GLIPR1L1: variants seen among roughly 807,000 people sequenced by gnomAD.
GLIPR1L1 encodes the protein GLIPR1-like protein 1.
GLIPR1L1 carries 26 observed loss-of-function variants against 29.9 expected under a neutral mutation model. The observed-to-expected ratio is 0.87, with a 90% CI of 0.64 to 1.21. GLIPR1L1 has a LOEUF of 1.21. Ranked by LOEUF, GLIPR1L1 falls within the 50% of genes most tolerant of loss-of-function variation. The pLI is 0.00. For missense variants in GLIPR1L1, 305 were observed against 290.3 expected (o/e 1.05, Z -0.37); for synonymous variants, 77 against 97.5 (o/e 0.79, Z 1.24).
chr12:75,352,165 G>A (rs997783065), intron 3 of GLIPR1L1, among the ~76,000 whole-genome samples: 2 of 152,154 alleles, frequency 1.3e-5, no homozygotes, highest in East Asian at 1.9e-4. Flanking sequence ...CTATACTAAC[G>A]TTAAATGTAA....
At chr12:75,350,114 T>G (rs904599534) in intron 3 of GLIPR1L1, among the ~76,000 whole-genome samples, 10 of 152,324 alleles carry the variant, frequency 6.6e-5, no homozygotes, top group Non-Finnish European at 1.3e-4. Flanking sequence ...GCACAGCCAC[T>G]GTGACAGTTT....
intron 1 of GLIPR1L1, among the ~76,000 whole-genome samples, chr12:75,336,798 T>C (rs2041765432): frequency 6.6e-6 from 1 of 151,812 alleles, no homozygotes; most frequent in South Asian, 2.1e-4. Context: ...CATTAAACAA[T>C]TTATACCACA....
At chr12:75,359,357 CTTTTT>C (rs61616225) in intron 3 of GLIPR1L1, among the ~76,000 whole-genome samples, 1 of 28,600 alleles carries the variant, frequency 3.5e-5, no homozygotes, top group East Asian at 8.3e-4. Flanking sequence ...GCATTGTTGT[CTTTTT>C]TTTTTTTTTT....
intron 3 of GLIPR1L1, chr12:75,361,096 G>A (rs1237931125): frequency 6.6e-6 from 1 of 152,154 alleles, no homozygotes; most frequent in African/African-American, 2.4e-5. Flanking sequence ...GGAAGGGGAT[G>A]GTTCCCCTAC....
At chr12:75,346,205 A>G (rs74108720) in intron 2 of GLIPR1L1, among the ~76,000 whole-genome samples, 10,084 of 152,232 alleles carry the variant, frequency 0.066, 464 homozygotes, top group African/African-American at 0.13. Flanking sequence ...TCATAAGCCA[A>G]ATTGTTAAAC....
At chr12:75,336,430 GA>G (rs1235806787) in intron 1 of GLIPR1L1, among the ~76,000 whole-genome samples, 1 of 151,582 alleles carries the variant, frequency 6.6e-6, no homozygotes, top group East Asian at 1.9e-4. Context: ...TTTTGTAACA[GA>G]AACATATCAC....
intron 4 of GLIPR1L1, among the ~76,000 whole-genome samples, chr12:75,368,019 T>A (rs2044104077): frequency 6.6e-6 from 1 of 152,134 alleles, no homozygotes; most frequent in Admixed American, 6.6e-5. Flanking sequence ...CTTTAACAAT[T>A]TTTTCCTGCA....
intron 1 of GLIPR1L1, among the ~76,000 whole-genome samples, chr12:75,338,814 A>G (rs1326652118): frequency 7.0e-6 from 1 of 143,860 alleles, no homozygotes; most frequent in Non-Finnish European, 1.6e-5. Flanking sequence ...ATGTGTTCTC[A>G]TTGTTCAGCT....
intron 4 of GLIPR1L1, among the ~76,000 whole-genome samples, chr12:75,366,333 T>A (rs2043960072): frequency 6.6e-6 from 1 of 152,078 alleles, no homozygotes; most frequent in Admixed American, 6.6e-5. Context: ...AACAGTGGGT[T>A]TTGTCTCAGT....
intron 3 of GLIPR1L1, among the ~76,000 whole-genome samples, chr12:75,348,461 A>G (rs1311437829): frequency 3.3e-5 from 5 of 152,242 alleles, no homozygotes; most frequent in African/African-American, 1.2e-4. Flanking sequence ...AATGAAAAAT[A>G]CAAATTTTTA....
chr12:75,337,477 A>C (rs2041816511), intron 1 of GLIPR1L1, among the ~76,000 whole-genome samples: 1 of 151,966 alleles, frequency 6.6e-6, no homozygotes, highest in African/African-American at 2.4e-5. Context: ...TATACTAATA[A>C]ATTTTACAAC....
chr12:75,344,011 A>G (rs2042290000), intron 2 of GLIPR1L1, 73 bp downstream of exon 2: 2 of 1,265,326 alleles, frequency 1.6e-6, no homozygotes, highest in East Asian at 2.4e-5. Context: ...ATTTCTCTGT[A>G]TGTAAAGTGC....
In GLIPR1L1 at chr12:75,343,722, T is replaced by C; in HGVS notation, c.204T>C (p.Ala68=). 2 of 1,611,874 alleles carry C rather than the reference T, an allele frequency of 1.2e-6. No homozygotes were observed. Among genetic ancestry groups the C allele is most frequent in the Non-Finnish European group, 1.7e-6 (2 of 1,178,550 alleles). The change falls in exon 2 of 6, where the codon GCT becomes GCC. Residue 68 remains alanine, a synonymous_variant. Transcript: ENST00000378695. ...MIWDKGLAKM[A]KAWANQCKFE... ...GGGATAAAGGTTTAGCAAAGATGGC[T>C]AAAGCATGGGCAAACCAGTGCAAAT...
chr12:75,347,497 G>A, intron 2 of GLIPR1L1, 125 bp from the exon 3 acceptor site: 3 of 440,586 alleles, frequency 6.8e-6, no homozygotes, highest in Non-Finnish European at 1.2e-5. Context: ...GAAAAAATAT[G>A]TAACTAATAA....
Position 75,370,092 on chromosome 12 carries a change from A to G in GLIPR1L1, c.645A>G (p.Pro215=). The change falls in exon 6 of 6, where the codon CCA becomes CCG. Residue 215 remains proline (P), a synonymous_variant. Coordinates refer to ENST00000378695, the MANE Select transcript of GLIPR1L1 (RefSeq NM_001304964.2). ...TGTTTTTGTTTTTGACAGAAAATCC[A>G]TTTCTGAAGCCAACGGGGAGAGCAC... ...TPQLIIPNQN[P]FLKPTGRAPQ... is the part of the protein sequence containing the mutation. 6.2e-7 allele frequency: 1 copy of G among 1,600,122 alleles called. No individual in the cohort carries two copies. Among genetic ancestry groups the G allele is most frequent in the Non-Finnish European group, 8.5e-7 (1 of 1,170,452 alleles).
At chr12:75,346,273 T>G (rs148900597) in intron 2 of GLIPR1L1, among the ~76,000 whole-genome samples, 308 of 152,328 alleles carry the variant, frequency 2.0e-3, no homozygotes, top group East Asian at 5.0e-3. Context: ...GTTTAAAACA[T>G]TCAAAAGGAA....
chr12:75,351,635 C>T (rs1314099193), intron 3 of GLIPR1L1, among the ~76,000 whole-genome samples: 1 of 151,954 alleles, frequency 6.6e-6, no homozygotes, highest in Non-Finnish European at 1.5e-5. Context: ...CCACCTCCAC[C>T]TCCCAGGTTC....
chr12:75,341,844 G>A (rs1322018900), intron 1 of GLIPR1L1, among the ~76,000 whole-genome samples: 1 of 147,406 alleles, frequency 6.8e-6, no homozygotes, highest in African/African-American at 2.5e-5. Flanking sequence ...CCGCCTCCTA[G>A]GTTCAAGCAA....
chr12:75,370,021 AT>A, intron 5 of GLIPR1L1, 35 bp downstream of exon 5: 2 of 1,222,684 alleles, frequency 1.6e-6, no homozygotes, highest in Middle Eastern at 1.9e-4. Context: ...TAATTAAATT[AT>A]TTCCTCCCGT....
Sources: allele counts gnomAD v4.1 joint callset (sites outside exome capture counted in the v4.1 genomes callset), GRCh38; gene constraint gnomAD v4.1.1; transcripts MANE v1.5; gene names NCBI Gene and HGNC (gene_info 2026-07-23, HGNC 2026-07-21).